STK32B: variants seen among roughly 807,000 people sequenced by gnomAD.
The protein encoded by STK32B is serine/threonine-protein kinase 32B.
In STK32B, 43 loss-of-function variants were observed where a neutral mutation model predicts 52.6. That is an observed-to-expected ratio of 0.82 (90% CI 0.64 to 1.05). The LOEUF (loss-of-function observed/expected upper bound fraction) is 1.05. Among genes scored for constraint, STK32B ranks in the 50% least tolerant of loss-of-function variants. STK32B has a pLI of 0.00. For missense variants in STK32B, 621 were observed against 534.6 expected, an observed-to-expected ratio of 1.16 and a Z score of -1.59; for synonymous variants, 238 against 204.3, an observed-to-expected ratio of 1.17 and a Z score of -1.41.
At chr4:5,202,734 C>G (rs989341127) in intron 3 of STK32B, among the ~76,000 whole-genome samples, 5 of 152,224 alleles carry the variant, frequency 3.3e-5, no homozygotes, top group Non-Finnish European at 5.9e-5. Flanking sequence ...GGGGCTGGCA[C>G]CCTCTAAAGC....
chr4:5,220,737 G>C (rs1160602562), intron 3 of STK32B, among the ~76,000 whole-genome samples: 2 of 152,142 alleles, frequency 1.3e-5, no homozygotes, highest in Non-Finnish European at 2.9e-5. Flanking sequence ...TTGTTAGCTA[G>C]CTCTCCATGG....
chr4:5,275,263 C>T (rs1206456336), intron 3 of STK32B, among the ~76,000 whole-genome samples: 1 of 152,152 alleles, frequency 6.6e-6, no homozygotes, highest in African/African-American at 2.4e-5. Context: ...TCCTGTCTGG[C>T]CTTTTTGTTC....
At chr4:5,204,090 C>T (rs1722368694) in intron 3 of STK32B, 1 of 152,266 alleles carries the variant, frequency 6.6e-6, no homozygotes, top group South Asian at 2.1e-4. Context: ...CTTCAGGAAG[C>T]ACTCCTTAAT....
intron 2 of STK32B, among the ~76,000 whole-genome samples, chr4:5,142,318 T>A (rs1026386810): frequency 6.6e-6 from 1 of 152,232 alleles, no homozygotes; most frequent in African/African-American, 2.4e-5. Flanking sequence ...TTTCTGCTTC[T>A]CTTTTACTTA....
chr4:5,275,450 C>G (rs1189204409), intron 3 of STK32B, among the ~76,000 whole-genome samples: 1 of 152,158 alleles, frequency 6.6e-6, no homozygotes. Context: ...CATGTCTGGG[C>G]ACTCTCTCAC....
chr4:5,096,384 G>A (rs1298380371), intron 1 of STK32B, among the ~76,000 whole-genome samples: 1 of 152,160 alleles, frequency 6.6e-6, no homozygotes, highest in Non-Finnish European at 1.5e-5. Context: ...CCAGCACGTG[G>A]TCAACATTTC....
chr4:5,238,350 C>A (rs1160892533), intron 3 of STK32B, among the ~76,000 whole-genome samples: 7 of 152,024 alleles, frequency 4.6e-5, no homozygotes, highest in Non-Finnish European at 5.9e-5. Context: ...CTTCATAAGG[C>A]CTCTCTGTTT....
At chr4:5,096,093 T>A (rs997394239) in intron 1 of STK32B, among the ~76,000 whole-genome samples, 2 of 152,228 alleles carry the variant, frequency 1.3e-5, no homozygotes, top group African/African-American at 4.8e-5. Context: ...AATGAGCATA[T>A]GCTATAATAC....
intron 1 of STK32B, among the ~76,000 whole-genome samples, chr4:5,077,346 G>A (rs1324250395): frequency 6.6e-6 from 1 of 151,968 alleles, no homozygotes; most frequent in Non-Finnish European, 1.5e-5. Context: ...CAACCCTCTT[G>A]GTGGTGCTTC....
rs78879367 is a variant in STK32B, at chr4:5,136,311, A to G, written c.53-3594A>G. Among the ~76,000 whole-genome samples the G allele has an allele frequency of 7.4e-3, 1,130 of 152,058 alleles. 24 individuals carry two copies. The highest frequency in any genetic ancestry group is 0.065 in the East Asian group (333 of 5,154). On this transcript the variant is annotated intron_variant, in intron 1 of 11. Coordinates refer to ENST00000282908, the MANE Select transcript of STK32B (RefSeq NM_018401.3). ...TTGTGTTTTTGGCAAGGACACTGAC[A>G]CTCCTTTGCCTTTGCAGCAGTGCGT... is the stretch of plus-strand genomic sequence containing the variant.
rs77004866 is a variant in STK32B, at chr4:5,180,034, A to G, written c.260+11584A>G. 2.1e-3 allele frequency among the ~76,000 whole-genome samples: 319 copies of G among 152,286 alleles called. 6 individuals are homozygous for G. In the East Asian group the frequency reaches 0.051, roughly 24 times the overall value. On this transcript the variant is annotated intron_variant, in intron 3 of 11. Coordinates refer to ENST00000282908, the MANE Select transcript of STK32B (RefSeq NM_018401.3). ...TCCCATTGAGTCTCATGGACAGGCAATGAGGGAAGGGGCTCTCCAGAGGGA... is the reference window on the plus strand; with the variant it reads ...TCCCATTGAGTCTCATGGACAGGCAGTGAGGGAAGGGGCTCTCCAGAGGGA...
chr4:5,148,956 AT>A (rs1717132712), intron 2 of STK32B, among the ~76,000 whole-genome samples: 1 of 151,808 alleles, frequency 6.6e-6, no homozygotes, highest in South Asian at 2.1e-4. Context: ...TGTCCCTACT[AT>A]TATAAAATAT....
At chr4:5,162,989 C>T (rs1316621954) in intron 2 of STK32B, among the ~76,000 whole-genome samples, 1 of 152,202 alleles carries the variant, frequency 6.6e-6, no homozygotes, top group African/African-American at 2.4e-5. Context: ...CCTCTTCCTA[C>T]ACTGTACACA....
chr4:5,130,348 G>C (rs1292323057), intron 1 of STK32B, among the ~76,000 whole-genome samples: 3 of 151,942 alleles, frequency 2.0e-5, no homozygotes, highest in Non-Finnish European at 4.4e-5. Context: ...GAGTGACGGT[G>C]GGGAGGTTTG....
At chr4:5,097,456 T>C (rs531429672) in intron 1 of STK32B, among the ~76,000 whole-genome samples, 1 of 152,060 alleles carries the variant, frequency 6.6e-6, no homozygotes, top group Non-Finnish European at 1.5e-5. Context: ...TCAACAGAAA[T>C]GTCTACACAT....
At chr4:5,153,044 G>A (rs981623520) in intron 2 of STK32B, among the ~76,000 whole-genome samples, 3 of 152,162 alleles carry the variant, frequency 2.0e-5, no homozygotes, top group Admixed American at 6.5e-5. Flanking sequence ...TGATGAATCC[G>A]CGTCCTGGAG....
At chr4:5,355,613 C>T (rs2108991124) in intron 4 of STK32B, among the ~76,000 whole-genome samples, 1 of 152,302 alleles carries the variant, frequency 6.6e-6, no homozygotes, top group South Asian at 2.1e-4. Flanking sequence ...GTCCTGTGCA[C>T]TGTGGGATGT....
chr4:5,133,855 G>A (rs1026721658), intron 1 of STK32B, among the ~76,000 whole-genome samples: 6 of 152,076 alleles, frequency 3.9e-5, no homozygotes, highest in Admixed American at 3.9e-4. Flanking sequence ...CCTGACTTGG[G>A]GATGCAGGCA....
intron 6 of STK32B, among the ~76,000 whole-genome samples, chr4:5,417,153 G>C (rs1308096544): frequency 6.6e-6 from 1 of 152,190 alleles, no homozygotes; most frequent in African/African-American, 2.4e-5. Flanking sequence ...GTTTTCTAGA[G>C]AACTCCTGCT....
Sources: gnomAD v4.1 joint callset for allele counts (sites outside exome capture counted in the v4.1 genomes callset) on GRCh38, gnomAD v4.1.1 for gene constraint, MANE v1.5 for transcripts, NCBI Gene and HGNC (gene_info 2026-07-23, HGNC 2026-07-21) for gene names.